Variants in DNAJC13 observed in about 807,000 individuals in gnomAD.
DNAJC13 encodes the protein dnaJ homolog subfamily C member 13.
A neutral mutation model predicts 290.5 loss-of-function variants in DNAJC13; 75 were observed. The ratio of observed to expected loss-of-function variants is 0.26; its 90% CI spans 0.21 to 0.31. DNAJC13 has a LOEUF of 0.31. DNAJC13 is among the 10% of genes least tolerant of loss of function. The pLI, the probability that DNAJC13 is intolerant of heterozygous loss-of-function variation, is 1.00. For synonymous variants in DNAJC13, 862 were observed against 892.0 expected (o/e 0.97, Z 0.60); for missense variants, 2,260 against 2,674.5 (o/e 0.85, Z 3.42).
Position 132,484,731 on chromosome 3 carries a change from A to G in DNAJC13, c.3267+59A>G, listed in dbSNP as rs536692959. ...AGAATCATTTTCTCTGAATTTTATT[A>G]TCAGTACCAGTCTTTGTTTTGTTGC... is the stretch of plus-strand genomic sequence containing the variant. On this transcript the variant is annotated intron_variant, in intron 29 of 55. Transcript: ENST00000260818. 8.3e-4 allele frequency: 1,199 copies of G among 1,444,996 alleles called. 4 individuals carry two copies. The highest frequency in any genetic ancestry group is 1.7e-3 in the Admixed American group (102 of 59,678). The allele number at this position is 1,444,996 out of a possible 1,614,324, so 89.5% of individuals were successfully genotyped here. A position where few individuals can be genotyped will look rare whatever the true frequency, so the allele number is the denominator to read the frequency against.
intron 32 of DNAJC13, among the ~76,000 whole-genome samples, chr3:132,491,265 G>A (rs1459949942): frequency 6.6e-6 from 1 of 152,092 alleles, no homozygotes; most frequent in East Asian, 1.9e-4. Context: ...TACCTTAATA[G>A]AGCTTTATAT....
At chr3:132,431,462 G>C (rs925735369) in intron 1 of DNAJC13, among the ~76,000 whole-genome samples, 1 of 152,124 alleles carries the variant, frequency 6.6e-6, no homozygotes, top group Non-Finnish European at 1.5e-5. Flanking sequence ...GGTGACATTT[G>C]AACACAGATT....
At chr3:132,443,198 G>A (rs904517221) in intron 2 of DNAJC13, among the ~76,000 whole-genome samples, 4 of 152,070 alleles carry the variant, frequency 2.6e-5, no homozygotes, top group Non-Finnish European at 5.9e-5. Flanking sequence ...TCTCATCTAG[G>A]CTGGAATACA....
At chr3:132,476,824 T>G (rs1378471871) in intron 22 of DNAJC13, among the ~76,000 whole-genome samples, 1 of 152,228 alleles carries the variant, frequency 6.6e-6, no homozygotes, top group African/African-American at 2.4e-5. Context: ...CTTTTGAATG[T>G]CGTTATCTGG....
At chr3:132,467,444 C>A in intron 20 of DNAJC13, 131 bp downstream of exon 20, 1 of 802,740 alleles carries the variant, frequency 1.2e-6, no homozygotes, top group Non-Finnish European at 1.9e-6. Flanking sequence ...TGAATGGTAC[C>A]TAATTTCTTT....
intron 54 of DNAJC13, among the ~76,000 whole-genome samples, chr3:132,529,744 G>A (rs901623857): frequency 2.1e-5 from 3 of 146,260 alleles, no homozygotes; most frequent in Non-Finnish European, 4.5e-5. Context: ...CCGAGATAGC[G>A]CCACTGCAGT....
chr3:132,480,504 C>T (rs762957737), intron 26 of DNAJC13, 34 bp downstream of exon 26: 24 of 1,479,262 alleles, frequency 1.6e-5, no homozygotes, highest in Non-Finnish European at 2.0e-5. Context: ...ACAAATTTAA[C>T]GTTCTTTGAG....
intron 9 of DNAJC13, among the ~76,000 whole-genome samples, chr3:132,454,566 C>T (rs1933530620): frequency 6.6e-6 from 1 of 151,864 alleles, no homozygotes; most frequent in African/African-American, 2.4e-5. Context: ...TCTCGAACTC[C>T]TGACCTCAAG....
At chr3:132,449,743 A>G (rs1159420750) in intron 5 of DNAJC13, among the ~76,000 whole-genome samples, 1 of 152,170 alleles carries the variant, frequency 6.6e-6, no homozygotes, top group Non-Finnish European at 1.5e-5. Context: ...CTCCAGAGCA[A>G]CCAATTGATT....
chr3:132,502,928 A>C (rs1576504990), intron 40 of DNAJC13, among the ~76,000 whole-genome samples: 1 of 151,820 alleles, frequency 6.6e-6, no homozygotes, highest in Non-Finnish European at 1.5e-5. Context: ...CCTATCCCCT[A>C]CTCCCCACAT....
At chr3:132,512,357 A>G in intron 44 of DNAJC13, among the ~76,000 whole-genome samples, 1 of 152,208 alleles carries the variant, frequency 6.6e-6, no homozygotes, top group East Asian at 1.9e-4. Context: ...GAATATTCTC[A>G]GACTCTTTAA....
intron 26 of DNAJC13, among the ~76,000 whole-genome samples, chr3:132,481,803 G>A (rs1397898900): frequency 6.6e-6 from 1 of 152,148 alleles, no homozygotes; most frequent in African/African-American, 2.4e-5. Flanking sequence ...ACTCTTAGTT[G>A]GAGTGAGTTT....
At chr3:132,487,381 C>G (rs1475577535) in intron 29 of DNAJC13, among the ~76,000 whole-genome samples, 1 of 151,812 alleles carries the variant, frequency 6.6e-6, no homozygotes, top group Non-Finnish European at 1.5e-5. Flanking sequence ...CTCAGCCTCC[C>G]GAGTAGCTGG....
intron 47 of DNAJC13, 90 bp downstream of exon 47, chr3:132,516,586 A>C: frequency 7.2e-6 from 11 of 1,527,800 alleles, no homozygotes; most frequent in African/African-American, 1.4e-5. Context: ...AACTAGAAGA[A>C]TGCTTTGGAA....
At chr3:132,530,958 C>G (rs1322168226) in intron 54 of DNAJC13, 40 bp from the exon 55 acceptor site, 2 of 1,572,202 alleles carry the variant, frequency 1.3e-6, no homozygotes, top group Non-Finnish European at 1.7e-6. Context: ...AACATCCAGT[C>G]CTTGATTTTA....
intron 48 of DNAJC13, among the ~76,000 whole-genome samples, chr3:132,521,077 T>A (rs182001396): frequency 1.2e-3 from 182 of 152,266 alleles, no homozygotes; most frequent in African/African-American, 4.2e-3. Context: ...CAGCTAAGTA[T>A]GTTTCAGAAG....
chr3:132,456,552 G>A lies in DNAJC13; in HGVS notation c.1151G>A (p.Ser384Asn). 1 of 1,613,966 alleles carries A rather than the reference G, an allele frequency of 6.2e-7. No individual in the cohort carries two copies. Among genetic ancestry groups the A allele is most frequent in the Non-Finnish European group, 8.5e-7 (1 of 1,179,916 alleles). The change falls in exon 11 of 56, where the codon AGT becomes AAT. Residue 384 changes from serine to asparagine, a missense_variant. Physicochemically the swap from Ser to Asn is conservative, Grantham distance 46. Transcript: ENST00000260818. ...AGGTTCAATGCTAATATTTCATACA[G>A]TGGAGTCCTACATGCAGTAACACAA... The part of the protein sequence containing the change: ...VFRFNANISY[S>N]GVLHAVTQDG...
rs755302675 is a variant in DNAJC13, at chr3:132,516,705, T to C, written c.5562T>C (p.Gly1854=). 5 of 1,608,324 alleles carry C rather than the reference T, an allele frequency of 3.1e-6. No homozygotes were observed. The highest frequency in any genetic ancestry group is 3.3e-4 in the Middle Eastern group (2 of 6,050). The change falls in exon 48 of 56, where the codon GGT becomes GGC. Residue 1854 remains glycine, a splice_region_variant and synonymous_variant. Transcript: ENST00000260818. ...TKIIKEAMAK[G]ALIYLLDMFC... is the part of the protein sequence containing the mutation. ...ACTAATTATCTTTTTCCTTCATAGG[T>C]GCTTTGATCTATTTACTGGATATGT...
chr3:132,500,781 G>A lies in DNAJC13; in HGVS notation c.4417-13G>A, dbSNP rs1341896480. 6.8e-6 allele frequency: 11 copies of A among 1,613,162 alleles called. No homozygotes were observed. The highest frequency in any genetic ancestry group is 1.3e-5 in the African/African-American group (1 of 74,896). On this transcript the variant is annotated splice_polypyrimidine_tract_variant and intron_variant, in intron 38 of 55. Transcript: ENST00000260818. ...ACTCTACTGGTTTTTTTGCTCTGTT[G>A]TGTTGTCTGCAGGTGTGTGGATACA...
Sources: allele counts gnomAD v4.1 joint callset (sites outside exome capture counted in the v4.1 genomes callset), GRCh38; gene constraint gnomAD v4.1.1; transcripts MANE v1.5; gene names NCBI Gene and HGNC (gene_info 2026-07-23, HGNC 2026-07-21).